Variants in MYO10 observed in about 807,000 individuals in gnomAD.
MYO10 encodes unconventional myosin-X.
MYO10 carries 133 observed loss-of-function variants against 257.3 expected under a neutral mutation model. The ratio of observed to expected loss-of-function variants is 0.52; its 90% CI spans 0.45 to 0.60. The LOEUF is 0.60. Ranked by LOEUF, MYO10 falls within the 20% of genes least tolerant of loss-of-function variation. The pLI is 0.00. For missense variants in MYO10, 2,399 were observed against 2,635.7 expected (o/e 0.91, Z 1.97); for synonymous variants, 1,104 against 1,028.6 (o/e 1.07, Z -1.40).
chr5:16,672,465 G>A (rs978511491), intron 37 of MYO10, among the ~76,000 whole-genome samples: 1 of 152,040 alleles, frequency 6.6e-6, no homozygotes, highest in Non-Finnish European at 1.5e-5. Context: ...AAAAGGAATG[G>A]GGTAAAAAAC....
At position 16,848,155 on chromosome 5, in the gene MYO10, C is replaced by CTTTTTTTTTTTTTTTTT. The variant is rs371042891; in HGVS notation, c.120+29437_120+29453dup. Among the ~76,000 whole-genome samples the CTTTTTTTTTTTTTTTTT allele has an allele frequency of 1.9e-4, 22 of 113,588 alleles. 1 individual carries two copies. The highest frequency in any genetic ancestry group is 3.4e-4 in the African/African-American group (9 of 26,718). 74.5% of individuals were successfully genotyped at this position (113,588 alleles called of 152,430 possible). A position where few individuals can be genotyped will look rare whatever the true frequency, so the allele number is the denominator to read the frequency against. Reference sequence around the variant, plus strand: ...TGATTAAGCAAAGAACTACACATTTCTTTTTTTTTTTTTTTTTTGTGAGAG... The same window carrying CTTTTTTTTTTTTTTTTT: ...TGATTAAGCAAAGAACTACACATTTCTTTTTTTTTTTTTTTTTTTTTTTTTTTTTTTTTTTGTGAGAG... On this transcript the variant is annotated intron_variant, in intron 2 of 40. Transcript: ENST00000513610.
At chr5:16,923,926 C>CA (rs1746061726) in intron 1 of MYO10, among the ~76,000 whole-genome samples, 1 of 152,050 alleles carries the variant, frequency 6.6e-6, no homozygotes, top group African/African-American at 2.4e-5. Context: ...CTCATCTCTA[C>CA]AAAAAATGTA....
rs70943814 is a variant in MYO10 at position 16,869,191 on chromosome 5, AT to A, written c.120+8417del. 1.7e-3 allele frequency among the ~76,000 whole-genome samples: 196 copies of A among 115,854 alleles called. 1 individual carries two copies. Among genetic ancestry groups the A allele is most frequent in the Middle Eastern group, 0.015 (3 of 206 alleles). The allele number at this position is 115,854 out of a possible 152,430, so 76.0% of individuals were successfully genotyped here. A position where few individuals can be genotyped will look rare whatever the true frequency, so the allele number is the denominator to read the frequency against. ...AGGCACCCACCACCACACCCGGCTA[AT>A]TTTTTTTTTTTTTTTTTTTTGTATT... is the stretch of plus-strand genomic sequence containing the variant. On this transcript the variant is annotated intron_variant, in intron 2 of 40. Transcript: ENST00000513610.
chr5:16,800,634 C>T (rs1248009334), intron 3 of MYO10, among the ~76,000 whole-genome samples: 1 of 152,164 alleles, frequency 6.6e-6, no homozygotes, highest in African/African-American at 2.4e-5. Flanking sequence ...ACTCTATCTT[C>T]TAATCTACAA....
chr5:16,738,188 T>C (rs1290845631), intron 19 of MYO10: 1 of 984,260 alleles, frequency 1.0e-6, no homozygotes, highest in Non-Finnish European at 1.2e-6. Flanking sequence ...GCCCAGCGAG[T>C]GAGAAACTGG....
At chr5:16,835,490 C>CT (rs1743283719) in intron 2 of MYO10, among the ~76,000 whole-genome samples, 1 of 63,246 alleles carries the variant, frequency 1.6e-5, no homozygotes, top group Non-Finnish European at 3.3e-5. Flanking sequence ...TCATTTTTGG[C>CT]TGTTTTTTTT....
At chr5:16,824,012 A>G (rs1425535239) in intron 2 of MYO10, among the ~76,000 whole-genome samples, 1 of 152,160 alleles carries the variant, frequency 6.6e-6, no homozygotes, top group South Asian at 2.1e-4. Flanking sequence ...CTAGAAGTAC[A>G]AACCGCTGGT....
At chr5:16,896,268 G>C (rs1745214825) in intron 1 of MYO10, among the ~76,000 whole-genome samples, 1 of 152,110 alleles carries the variant, frequency 6.6e-6, no homozygotes, top group Non-Finnish European at 1.5e-5. Context: ...AGACCAGCCT[G>C]GACAATACTG....
intron 39 of MYO10, among the ~76,000 whole-genome samples, chr5:16,668,983 G>A (rs1736309231): frequency 6.6e-6 from 1 of 152,116 alleles, no homozygotes; most frequent in African/African-American, 2.4e-5. Flanking sequence ...GAGCAGCAAT[G>A]GCCTTCCATA....
At chr5:16,782,600 G>A (rs1741455329) in intron 5 of MYO10, among the ~76,000 whole-genome samples, 1 of 152,158 alleles carries the variant, frequency 6.6e-6, no homozygotes, top group African/African-American at 2.4e-5. Flanking sequence ...TAAATGGTGT[G>A]TTTACATGCT....
intron 2 of MYO10, among the ~76,000 whole-genome samples, chr5:16,854,588 C>A (rs1415881771): frequency 6.6e-6 from 1 of 152,030 alleles, no homozygotes; most frequent in African/African-American, 2.4e-5. Context: ...AGGGTTACAG[C>A]GTTTCTATTT....
Position 16,699,576 on chromosome 5 carries a change from G to A in MYO10, c.3433-3C>T. 6.2e-7 allele frequency: 1 copy of A among 1,613,326 alleles called. No individual in the cohort carries two copies. The highest frequency in any genetic ancestry group is 8.5e-7 in the Non-Finnish European group (1 of 1,179,822). ...AAGTCCTCTTCACTATCTTCAAACT[G>A]GACCGAGAGAGAGAAGCCAACGGTG... On this transcript the variant is annotated splice_polypyrimidine_tract_variant and splice_region_variant and intron_variant, in intron 25 of 40. Transcript: ENST00000513610.
chr5:16,720,313 G>T (rs1314968991), intron 19 of MYO10, among the ~76,000 whole-genome samples: 2 of 152,068 alleles, frequency 1.3e-5, no homozygotes, highest in Non-Finnish European at 2.9e-5. Context: ...CTTATTAAAA[G>T]AATTTTTTGA....
chr5:16,849,510 G>A (rs190778224), intron 2 of MYO10, among the ~76,000 whole-genome samples: 1 of 152,120 alleles, frequency 6.6e-6, no homozygotes, highest in Non-Finnish European at 1.5e-5. Flanking sequence ...GTGGTTCAGA[G>A]AGCAAATGTT....
chr5:16,868,518 C>T (rs1004130595), intron 2 of MYO10, among the ~76,000 whole-genome samples: 6 of 152,002 alleles, frequency 3.9e-5, no homozygotes, highest in African/African-American at 7.2e-5. Flanking sequence ...GCAGGAGAAT[C>T]GCTTGAACCC....
chr5:16,821,922 GAAA>G (rs34424465), intron 2 of MYO10, among the ~76,000 whole-genome samples: 11 of 148,554 alleles, frequency 7.4e-5, no homozygotes, highest in East Asian at 5.9e-4. Context: ...GGAAGAGGGG[GAAA>G]AAAAAAAGCA....
At chr5:16,851,961 G>A (rs1485702242) in intron 2 of MYO10, among the ~76,000 whole-genome samples, 1 of 138,252 alleles carries the variant, frequency 7.2e-6, no homozygotes, top group African/African-American at 2.7e-5. Flanking sequence ...TGAGACGGAA[G>A]AATCGCTTGA....
At chr5:16,885,298 C>A (rs1426441896) in intron 1 of MYO10, among the ~76,000 whole-genome samples, 1 of 151,972 alleles carries the variant, frequency 6.6e-6, no homozygotes, top group Non-Finnish European at 1.5e-5. Flanking sequence ...GTCTCAACTC[C>A]CAAATGCTTG....
chr5:16,883,264 A>G (rs2126766974), intron 1 of MYO10, among the ~76,000 whole-genome samples: 1 of 152,296 alleles, frequency 6.6e-6, no homozygotes, highest in East Asian at 1.9e-4. Flanking sequence ...TCAAATGCAC[A>G]TGAACATTCT....
Sources: gnomAD v4.1 joint callset for allele counts (sites outside exome capture counted in the v4.1 genomes callset) on GRCh38, gnomAD v4.1.1 for gene constraint, MANE v1.5 for transcripts, NCBI Gene and HGNC (gene_info 2026-07-23, HGNC 2026-07-21) for gene names.